Variants in ACTR3 observed in about 807,000 individuals in gnomAD.
ACTR3 encodes actin-related protein 3.
In ACTR3, 12 loss-of-function variants were observed where a neutral mutation model predicts 56.8. That is an observed-to-expected ratio of 0.21 (90% CI 0.14 to 0.34). The LOEUF (loss-of-function observed/expected upper bound fraction) is 0.34. ACTR3 is among the 10% of genes least tolerant of loss of function. ACTR3 has a pLI of 1.00. For missense variants in ACTR3, 282 were observed against 512.5 expected (o/e 0.55, Z 4.34); for synonymous variants, 162 against 167.4 (o/e 0.97, Z 0.25).
chr2:113,913,453 G>GA (rs905676368), intron 2 of ACTR3, among the ~76,000 whole-genome samples: 3 of 151,822 alleles, frequency 2.0e-5, no homozygotes, highest in Non-Finnish European at 2.9e-5. Flanking sequence ...TCTTTTTAAA[G>GA]AAAAAAAGAA....
chr2:113,919,243 T>A (rs1679463398), intron 3 of ACTR3, among the ~76,000 whole-genome samples: 1 of 152,224 alleles, frequency 6.6e-6, no homozygotes, highest in African/African-American at 2.4e-5. Flanking sequence ...TTGCTTAAAT[T>A]TCTTTGATTA....
rs761847747 is a variant in ACTR3 at position 113,939,942 on chromosome 2, T to C, written c.541-17T>C. 5 of 1,554,036 alleles carry C rather than the reference T, an allele frequency of 3.2e-6. No homozygotes were observed. In the South Asian group the frequency reaches 4.8e-5, roughly 15 times the overall value. ...AAACATTGAAAGTAAATTTGGTATC[T>C]TTTTTCCCCTCTCTAGGCTGAAGGG... is the stretch of plus-strand genomic sequence containing the variant. On this transcript the variant is annotated splice_polypyrimidine_tract_variant and intron_variant, in intron 6 of 11. Transcript: ENST00000263238.
intron 1 of ACTR3, among the ~76,000 whole-genome samples, chr2:113,906,759 T>TA (rs1204821798): frequency 6.6e-6 from 1 of 152,188 alleles, no homozygotes; most frequent in Non-Finnish European, 1.5e-5. Flanking sequence ...GCATCCTTGT[T>TA]AAAAATCATT....
At chr2:113,899,445 TG>T (rs1176736759) in intron 1 of ACTR3, among the ~76,000 whole-genome samples, 2 of 152,208 alleles carry the variant, frequency 1.3e-5, no homozygotes, top group African/African-American at 4.8e-5. Context: ...CTGAACACTA[TG>T]GTATATACAA....
chr2:113,908,610 G>T (rs765142611), intron 1 of ACTR3, among the ~76,000 whole-genome samples: 12 of 151,794 alleles, frequency 7.9e-5, no homozygotes, highest in Non-Finnish European at 1.3e-4. Flanking sequence ...TTTAGTCTGA[G>T]ATTTCTACGG....
Position 113,962,199 on chromosome 2 carries a change from T to C in ACTR3, c.*4744T>C, listed in dbSNP as rs957097867. On this transcript the variant is annotated 3_prime_UTR_variant, in exon 12 of 12. Transcript: ENST00000263238. ...CTTAGAAGTGACATTCTGCGTAAGG[T>C]AGTGGGGGATTACTAAGTGATCATG... 4 of 151,920 alleles carry C rather than the reference T, an allele frequency of 2.6e-5. No individual in the cohort carries two copies. Among genetic ancestry groups the C allele is most frequent in the Admixed American group, 6.6e-5 (1 of 15,230 alleles). 9.4% of individuals were successfully genotyped at this position (151,920 alleles called of 1,614,324 possible). A position where few individuals can be genotyped will look rare whatever the true frequency, so the allele number is the denominator to read the frequency against.
At chr2:113,890,416 A>G in intron 1 of ACTR3, 93 bp downstream of exon 1, 1 of 1,365,770 alleles carries the variant, frequency 7.3e-7, no homozygotes, top group Non-Finnish European at 9.9e-7. Flanking sequence ...TGGTGCGGCG[A>G]GGTGCCGCCG....
At chr2:113,892,324 T>C (rs1382809211) in intron 1 of ACTR3, among the ~76,000 whole-genome samples, 2 of 152,220 alleles carry the variant, frequency 1.3e-5, no homozygotes, top group Non-Finnish European at 2.9e-5. Flanking sequence ...ATTATCACAA[T>C]AGTGTATTTT....
At chr2:113,916,559 A>G (rs952966559) in intron 2 of ACTR3, among the ~76,000 whole-genome samples, 3 of 152,072 alleles carry the variant, frequency 2.0e-5, no homozygotes, top group Non-Finnish European at 2.9e-5. Context: ...CATCAAGCAT[A>G]TGTGGATTTG....
At chr2:113,917,089 A>AAAT in intron 3 of ACTR3, 81 bp downstream of exon 3, 1 of 1,188,020 alleles carries the variant, frequency 8.4e-7, no homozygotes, top group Non-Finnish European at 1.1e-6. Context: ...TTCACTCTAT[A>AAAT]ATAGACCTTA....
chr2:113,940,097 G>A lies in ACTR3; in HGVS notation c.679G>A (p.Val227Ile). 6.2e-7 allele frequency: 1 copy of A among 1,611,206 alleles called. No homozygotes were observed. Among genetic ancestry groups the A allele is most frequent in the Non-Finnish European group, 8.5e-7 (1 of 1,179,046 alleles). ...PEQSLETAKA[V>I]KERYSYVCPD... ...ACAATCCTTGGAAACTGCTAAGGCA[G>A]TAAAGGTAAAAAGTGTGATAGGAGT... Residue 227 changes from valine to isoleucine, a missense_variant, in exon 7 of 12, where the codon GTA becomes ATA. Transcript: ENST00000263238.
chr2:113,940,647 A>G (rs1015005856), intron 7 of ACTR3, among the ~76,000 whole-genome samples: 6 of 152,070 alleles, frequency 3.9e-5, no homozygotes, highest in African/African-American at 1.4e-4. Context: ...ATACTTTAGC[A>G]TCGTCTTTCA....
chr2:113,932,686 A>T lies in ACTR3; in HGVS notation c.432+1290A>T, dbSNP rs751885516. ...AGACTTGTAAAAGTGATCAGAGATA[A>T]TTCTTGGTTGTAGATGATAGTTTTG... On this transcript the variant is annotated intron_variant, in intron 5 of 11. Coordinates refer to ENST00000263238, the MANE Select transcript of ACTR3 (RefSeq NM_005721.5). 4.6e-5 allele frequency among the ~76,000 whole-genome samples: 7 copies of T among 152,320 alleles called. No homozygotes were observed. The East Asian group carries it at 1.3e-3, about 29-fold the overall frequency.
chr2:113,890,527 C>T (rs1374583756), intron 1 of ACTR3: 10 of 1,351,562 alleles, frequency 7.4e-6, no homozygotes, highest in Non-Finnish European at 8.6e-6. Context: ...GGGGCGGGGG[C>T]GCGGGCCCGA....
intron 11 of ACTR3, among the ~76,000 whole-genome samples, chr2:113,956,342 G>A (rs1053111136): frequency 3.3e-5 from 5 of 150,314 alleles, no homozygotes; most frequent in African/African-American, 4.9e-5. Flanking sequence ...AAAATTGGAA[G>A]TAATTTAAAT....
In ACTR3 at chr2:113,890,411, C is replaced by T. The variant is rs1224296641; in HGVS notation, c.44+88C>T. On this transcript the variant is annotated intron_variant, in intron 1 of 11. Coordinates refer to ENST00000263238, the MANE Select transcript of ACTR3 (RefSeq NM_005721.5). Reference sequence around the variant, plus strand: ...GGAGGAGGCCGGGAAATGAATGGTGCGGCGAGGTGCCGCCGCCGGCTGTCA... The same window carrying T: ...GGAGGAGGCCGGGAAATGAATGGTGTGGCGAGGTGCCGCCGCCGGCTGTCA... 10 of 1,375,504 alleles carry T rather than the reference C, an allele frequency of 7.3e-6. No homozygotes were observed. In the East Asian group the frequency reaches 1.1e-4, roughly 15 times the overall value. 85.2% of individuals were successfully genotyped at this position (1,375,504 alleles called of 1,614,324 possible).
At chr2:113,896,447 T>C (rs921104475) in intron 1 of ACTR3, among the ~76,000 whole-genome samples, 20 of 152,200 alleles carry the variant, frequency 1.3e-4, no homozygotes, top group Non-Finnish European at 2.5e-4. Flanking sequence ...TTCCAGTGGA[T>C]TGTAAATAGG....
intron 7 of ACTR3, among the ~76,000 whole-genome samples, chr2:113,941,941 C>T (rs1574378395): frequency 6.6e-6 from 1 of 152,112 alleles, no homozygotes; most frequent in East Asian, 1.9e-4. Flanking sequence ...TAGAAGTCAG[C>T]TCTCCAGTCT....
intron 7 of ACTR3, among the ~76,000 whole-genome samples, chr2:113,940,874 G>A (rs1156401126): frequency 1.4e-5 from 2 of 147,660 alleles, no homozygotes; most frequent in Non-Finnish European, 1.5e-5. Context: ...AAGCTGGAGC[G>A]CAGTGGCACA....
Sources: allele counts gnomAD v4.1 joint callset (sites outside exome capture counted in the v4.1 genomes callset), GRCh38; gene constraint gnomAD v4.1.1; transcripts MANE v1.5; gene names NCBI Gene and HGNC (gene_info 2026-07-23, HGNC 2026-07-21).